FGF14: variants seen among roughly 807,000 people sequenced by gnomAD.
FGF14 encodes fibroblast growth factor homologous factor 4.
In FGF14, 5 loss-of-function variants were observed where a neutral mutation model predicts 25.5. The ratio of observed to expected loss-of-function variants is 0.20; its 90% CI spans 0.10 to 0.41. FGF14 has a LOEUF of 0.41. FGF14 is among the 10% of genes least tolerant of loss of function. FGF14 has a pLI of 1.00. For synonymous variants in FGF14, 138 were observed against 118.3 expected (o/e 1.17, Z -1.08); for missense variants, 222 against 320.1 (o/e 0.69, Z 2.34).
chr13:102,002,728 T>C (rs984264155), intron 1 of FGF14: 3 of 152,302 alleles, frequency 2.0e-5, no homozygotes, highest in African/African-American at 4.8e-5. Flanking sequence ...TATCAAGTGA[T>C]TAGGAGCAAT....
chr13:102,012,579 A>T (rs1436470669), intron 1 of FGF14, among the ~76,000 whole-genome samples: 1 of 152,240 alleles, frequency 6.6e-6, no homozygotes, highest in Non-Finnish European at 1.5e-5. Flanking sequence ...CCAAAAATTA[A>T]GGTCTTTCAC....
intron 1 of FGF14, among the ~76,000 whole-genome samples, chr13:102,174,723 G>T (rs77025021): frequency 0.052 from 7,851 of 152,108 alleles, 244 homozygotes; most frequent in Middle Eastern, 0.17. Context: ...GCTAAGCATT[G>T]AGCACACATG....
At chr13:102,362,713 C>A (rs2057600948) in intron 1 of FGF14, among the ~76,000 whole-genome samples, 1 of 152,086 alleles carries the variant, frequency 6.6e-6, no homozygotes, top group Admixed American at 6.6e-5. Context: ...GAGAACAGAA[C>A]CCACGGTCCC....
intron 1 of FGF14, among the ~76,000 whole-genome samples, chr13:102,141,983 C>T (rs1164339745): frequency 1.3e-5 from 2 of 151,998 alleles, no homozygotes; most frequent in African/African-American, 4.8e-5. Flanking sequence ...TGTTCTCTTC[C>T]CTCTTTCTCT....
chr13:102,253,727 T>C (rs1366777210), intron 1 of FGF14, among the ~76,000 whole-genome samples: 1 of 152,140 alleles, frequency 6.6e-6, no homozygotes. Context: ...ATGGGTTTTT[T>C]TCCCCCACAT....
intron 3 of FGF14, among the ~76,000 whole-genome samples, chr13:101,816,256 A>C (rs956580910): frequency 4.6e-5 from 6 of 131,154 alleles, no homozygotes; most frequent in Non-Finnish European, 9.7e-5. Context: ...GGGAACAGAG[A>C]GAGACTCCGT....
intron 1 of FGF14, among the ~76,000 whole-genome samples, chr13:102,170,410 C>A (rs1379899757): frequency 6.6e-6 from 1 of 151,914 alleles, no homozygotes; most frequent in African/African-American, 2.4e-5. Flanking sequence ...AATAGCAAGG[C>A]TATTACTTCT....
At chr13:102,227,348 C>T (rs2050870422) in intron 1 of FGF14, among the ~76,000 whole-genome samples, 1 of 152,118 alleles carries the variant, frequency 6.6e-6, no homozygotes, top group South Asian at 2.1e-4. Flanking sequence ...TTAAATGTCT[C>T]ATCTTTCCTA....
chr13:102,318,918 T>C (rs1044531384), intron 1 of FGF14, among the ~76,000 whole-genome samples: 1 of 152,322 alleles, frequency 6.6e-6, no homozygotes, highest in South Asian at 2.1e-4. Flanking sequence ...AACGAATGCA[T>C]GAGTGAATCA....
chr13:102,251,811 C>T (rs2052189876), intron 1 of FGF14, among the ~76,000 whole-genome samples: 1 of 152,150 alleles, frequency 6.6e-6, no homozygotes, highest in African/African-American at 2.4e-5. Flanking sequence ...TACCAAATCT[C>T]TCCTTCCACC....
At chr13:101,779,718 T>C (rs2039372649) in intron 3 of FGF14, among the ~76,000 whole-genome samples, 1 of 152,204 alleles carries the variant, frequency 6.6e-6, no homozygotes, top group Admixed American at 6.5e-5. Context: ...CTATCATTAT[T>C]ATCTTAATAT....
At chr13:102,200,762 T>C (rs1343299738) in intron 1 of FGF14, among the ~76,000 whole-genome samples, 2 of 151,780 alleles carry the variant, frequency 1.3e-5, no homozygotes, top group South Asian at 2.1e-4. Flanking sequence ...ATTTGGAGGG[T>C]GTCATTGCAA....
rs370037101 is a variant in FGF14 at position 101,790,297 on chromosome 13, G to A, written c.409-63487C>T. ...ATTATATCCAATAAGAGTAACTGCC[G>A]TAAACATTTAAGAACTAAGCTGTTC... On this transcript the variant is annotated intron_variant, in intron 3 of 4. Transcript: ENST00000376143. Among the ~76,000 whole-genome samples, 47 of 151,832 alleles carry A rather than the reference G, an allele frequency of 3.1e-4. 1 individual carries two copies. Among genetic ancestry groups the A allele is most frequent in the South Asian group, 1.9e-3 (9 of 4,804 alleles).
chr13:101,724,598 ATATATAT>A (rs1196874317), intron 4 of FGF14, among the ~76,000 whole-genome samples: 4 of 748 alleles, frequency 5.3e-3, no homozygotes, highest in East Asian at 0.062. Flanking sequence ...TAATAATAAA[ATATATAT>A]ATATATATAT....
intron 1 of FGF14, among the ~76,000 whole-genome samples, chr13:102,210,937 G>C (rs921727211): frequency 6.6e-6 from 1 of 152,120 alleles, no homozygotes; most frequent in Non-Finnish European, 1.5e-5. Context: ...TTATTGTCAT[G>C]AGGTAACTCT....
chr13:102,298,827 T>A (rs1704146877), intron 1 of FGF14, among the ~76,000 whole-genome samples: 1 of 152,196 alleles, frequency 6.6e-6, no homozygotes. Context: ...AAAATTCCGG[T>A]GTCTGAGAAA....
At chr13:102,010,078 A>G (rs2139794957) in intron 1 of FGF14, among the ~76,000 whole-genome samples, 1 of 152,338 alleles carries the variant, frequency 6.6e-6, no homozygotes, top group East Asian at 1.9e-4. Flanking sequence ...AGAGGAAAAG[A>G]AGATGGTACT....
intron 3 of FGF14, among the ~76,000 whole-genome samples, chr13:101,756,471 A>G (rs896164952): frequency 1.3e-5 from 2 of 152,208 alleles, no homozygotes; most frequent in African/African-American, 2.4e-5. Context: ...ACGGTGGCTC[A>G]CGCCTGTAAT....
chr13:102,330,114 C>T (rs926638886), intron 1 of FGF14, among the ~76,000 whole-genome samples: 3 of 152,194 alleles, frequency 2.0e-5, no homozygotes, highest in Admixed American at 6.5e-5. Flanking sequence ...GTCACTCTAA[C>T]CCTCTTCTAG....
Sources: allele counts gnomAD v4.1 joint callset (sites outside exome capture counted in the v4.1 genomes callset), GRCh38; gene constraint gnomAD v4.1.1; transcripts MANE v1.5; gene names NCBI Gene and HGNC (gene_info 2026-07-23, HGNC 2026-07-21).